Variants in BICC1 observed in about 807,000 individuals in gnomAD.
BICC1 encodes the protein protein bicaudal C homolog 1.
Under a neutral mutation model 111.0 loss-of-function variants are expected in BICC1, and 43 were observed. That is an observed-to-expected ratio of 0.39 (90% CI 0.30 to 0.50). The LOEUF is 0.50. Ranked by LOEUF, BICC1 falls within the 20% of genes least tolerant of loss-of-function variation. BICC1 has a pLI of 0.88. For synonymous variants in BICC1, 467 were observed against 434.4 expected (o/e 1.07, Z -0.93); for missense variants, 1,091 against 1,203.2 (o/e 0.91, Z 1.38).
intron 1 of BICC1, among the ~76,000 whole-genome samples, chr10:58,564,529 A>G (rs1843698537): frequency 6.6e-6 from 1 of 152,236 alleles, no homozygotes; most frequent in African/African-American, 2.4e-5. Context: ...TTTGAACTTC[A>G]TGACAACTAT....
chr10:58,548,111 A>T (rs1409883138), intron 1 of BICC1, among the ~76,000 whole-genome samples: 8 of 152,188 alleles, frequency 5.3e-5, no homozygotes, highest in Non-Finnish European at 1.0e-4. Context: ...ATATTAAGCC[A>T]AATATGTGTT....
At chr10:58,777,752 A>G (rs1842785890) in intron 3 of BICC1, among the ~76,000 whole-genome samples, 1 of 152,182 alleles carries the variant, frequency 6.6e-6, no homozygotes, top group Non-Finnish European at 1.5e-5. Flanking sequence ...AAGAATCTTG[A>G]TATGAAGTTG....
chr10:58,742,402 T>C (rs181556395), intron 3 of BICC1, among the ~76,000 whole-genome samples: 74 of 152,120 alleles, frequency 4.9e-4, no homozygotes, highest in Non-Finnish European at 9.1e-4. Flanking sequence ...AGTTAGTCAC[T>C]TCTGCCATGA....
intron 20 of BICC1, among the ~76,000 whole-genome samples, chr10:58,824,506 G>C (rs553711351): frequency 1.3e-5 from 2 of 152,278 alleles, no homozygotes; most frequent in East Asian, 3.9e-4. Context: ...AAAATGTGAA[G>C]GGTATTGGTC....
At chr10:58,740,480 G>A (rs1045312481) in intron 3 of BICC1, among the ~76,000 whole-genome samples, 1 of 152,092 alleles carries the variant, frequency 6.6e-6, no homozygotes, top group Non-Finnish European at 1.5e-5. Flanking sequence ...GATTTATAAA[G>A]TTTATTTGAT....
At chr10:58,624,081 C>T (rs1313659637) in intron 2 of BICC1, among the ~76,000 whole-genome samples, 1 of 152,142 alleles carries the variant, frequency 6.6e-6, no homozygotes, top group Non-Finnish European at 1.5e-5. Context: ...GAATCTGTTC[C>T]ATGCCTTTCT....
intron 2 of BICC1, among the ~76,000 whole-genome samples, chr10:58,685,680 A>C (rs2132385313): frequency 6.6e-6 from 1 of 152,256 alleles, no homozygotes; most frequent in African/African-American, 2.4e-5. Flanking sequence ...TCATAGACTA[A>C]GATTGCAACC....
At chr10:58,827,024 G>C (rs1016783644) in intron 20 of BICC1, among the ~76,000 whole-genome samples, 1 of 152,232 alleles carries the variant, frequency 6.6e-6, no homozygotes, top group Non-Finnish European at 1.5e-5. Context: ...TAACTTGCCA[G>C]TAAAAGACTG....
intron 3 of BICC1, among the ~76,000 whole-genome samples, chr10:58,722,826 G>A (rs1284738010): frequency 6.6e-6 from 1 of 152,160 alleles, no homozygotes; most frequent in East Asian, 1.9e-4. Flanking sequence ...AAGAATAAAG[G>A]AAGCTTATTT....
At chr10:58,642,301 G>T (rs1402746685) in intron 2 of BICC1, among the ~76,000 whole-genome samples, 1 of 152,054 alleles carries the variant, frequency 6.6e-6, no homozygotes, top group Non-Finnish European at 1.5e-5. Flanking sequence ...AGAGGCTGGG[G>T]GTGTTTTCAT....
In BICC1 at chr10:58,779,837, C is replaced by T. The variant is rs572123349; in HGVS notation, c.308-5164C>T. On this transcript the variant is annotated intron_variant, in intron 3 of 20. Transcript: ENST00000373886. Reference sequence around the variant, plus strand: ...TTTCCTAGCTTTTCCCTATATGATTCCAAGTGAACTAACGCCCTTGAGAAG... The same window carrying T: ...TTTCCTAGCTTTTCCCTATATGATTTCAAGTGAACTAACGCCCTTGAGAAG... 5.3e-5 allele frequency among the ~76,000 whole-genome samples: 8 copies of T among 152,294 alleles called. No individual in the cohort carries two copies. The South Asian group carries it at 1.2e-3, about 24-fold the overall frequency.
chr10:58,515,412 C>G (rs960424256), intron 1 of BICC1, among the ~76,000 whole-genome samples: 7 of 152,180 alleles, frequency 4.6e-5, no homozygotes, highest in Admixed American at 1.3e-4. Context: ...TAGTCTATTG[C>G]TCCTAGGCTA....
chr10:58,660,768 C>T (rs556465513), intron 2 of BICC1, among the ~76,000 whole-genome samples: 18 of 152,138 alleles, frequency 1.2e-4, no homozygotes, highest in Non-Finnish European at 2.4e-4. Flanking sequence ...TCCCATTGCA[C>T]CTCCTCAGGA....
chr10:58,734,243 A>T (rs1351736543), intron 3 of BICC1, among the ~76,000 whole-genome samples: 2 of 152,318 alleles, frequency 1.3e-5, no homozygotes, highest in Non-Finnish European at 2.9e-5. Context: ...TTCTACCCAG[A>T]TGCCAGTATC....
intron 2 of BICC1, among the ~76,000 whole-genome samples, chr10:58,697,583 G>A (rs944929511): frequency 4.6e-5 from 7 of 152,084 alleles, no homozygotes; most frequent in Admixed American, 3.3e-4. Context: ...CATCTTCCTA[G>A]CCTTACCTTT....
intron 1 of BICC1, among the ~76,000 whole-genome samples, chr10:58,542,167 C>CA (rs796757686): frequency 0.037 from 3,355 of 91,422 alleles, 64 homozygotes; most frequent in African/African-American, 0.069. Flanking sequence ...AAAAAAAAAA[C>CA]AAAAAAAAAA....
At chr10:58,556,803 T>C (rs1427070949) in intron 1 of BICC1, among the ~76,000 whole-genome samples, 2 of 151,968 alleles carry the variant, frequency 1.3e-5, no homozygotes, top group African/African-American at 4.8e-5. Flanking sequence ...TTTGTCTGTT[T>C]CTTCTCAGTC....
intron 2 of BICC1, chr10:58,648,631 C>T (rs958128274): frequency 2.0e-6 from 2 of 984,828 alleles, no homozygotes; most frequent in African/African-American, 1.7e-5. Flanking sequence ...CAGAGACACA[C>T]ACAGAGGATC....
intron 2 of BICC1, among the ~76,000 whole-genome samples, chr10:58,628,749 T>C (rs917986456): frequency 2.6e-5 from 4 of 152,170 alleles, no homozygotes; most frequent in Non-Finnish European, 5.9e-5. Context: ...TTATATAACC[T>C]TTAGGCACTG....
Sources: gnomAD v4.1 joint callset for allele counts (sites outside exome capture counted in the v4.1 genomes callset) on GRCh38, gnomAD v4.1.1 for gene constraint, MANE v1.5 for transcripts, NCBI Gene and HGNC (gene_info 2026-07-23, HGNC 2026-07-21) for gene names.